Variants in MYO16 observed in about 807,000 individuals in gnomAD.
The protein encoded by MYO16 is unconventional myosin-XVI.
A neutral mutation model predicts 205.3 loss-of-function variants in MYO16; 94 were observed. That is an observed-to-expected ratio of 0.46 (90% CI 0.39 to 0.54). MYO16 has a LOEUF of 0.54. MYO16 is among the 20% of genes least tolerant of loss of function. The pLI is 0.00. For synonymous variants in MYO16, 988 were observed against 954.0 expected (o/e 1.04, Z -0.66); for missense variants, 2,315 against 2,387.5 (o/e 0.97, Z 0.63).
intron 4 of MYO16, among the ~76,000 whole-genome samples, chr13:108,773,744 G>T (rs9521032): frequency 1.3e-5 from 2 of 151,904 alleles, no homozygotes; most frequent in Admixed American, 1.3e-4. Flanking sequence ...AGGTACATAG[G>T]GGTTCTTTGC....
At chr13:108,650,890 CT>C (rs1392995633) in intron 1 of MYO16, among the ~76,000 whole-genome samples, 2 of 152,186 alleles carry the variant, frequency 1.3e-5, no homozygotes, top group East Asian at 3.9e-4. Flanking sequence ...CAGTTCTGAT[CT>C]TAAAGGGCCA....
chr13:109,167,351 A>G (rs1878718986), intron 33 of MYO16: 1 of 148,228 alleles, frequency 6.7e-6, no homozygotes. Flanking sequence ...CATAAAAAAA[A>G]GGGATGGCTA....
chr13:108,682,119 A>ACATTAGTATTCAC (rs1882487455), intron 2 of MYO16, among the ~76,000 whole-genome samples: 1 of 152,158 alleles, frequency 6.6e-6, no homozygotes, highest in African/African-American at 2.4e-5. Flanking sequence ...ATATTTGCTA[A>ACATTAGTATTCAC]ATTACTCTTG....
chr13:108,694,726 A>G (rs1314757738), intron 2 of MYO16, among the ~76,000 whole-genome samples: 1 of 152,150 alleles, frequency 6.6e-6, no homozygotes, highest in African/African-American at 2.4e-5. Flanking sequence ...ATGAAGTCCA[A>G]TTTATACATT....
the MYO16 span, among the ~76,000 whole-genome samples, chr13:108,547,333 A>G: frequency 1.3e-5 from 2 of 151,896 alleles, no homozygotes; most frequent in African/African-American, 4.8e-5. Flanking sequence ...CCCACTGTCA[A>G]TTCACTGGTA....
chr13:108,570,117 A>G, the MYO16 span, among the ~76,000 whole-genome samples: 1 of 152,100 alleles, frequency 6.6e-6, no homozygotes, highest in East Asian at 1.9e-4. Flanking sequence ...TGATTTTGGA[A>G]ATACTTGCCT....
chr13:108,551,084 C>T, the MYO16 span, among the ~76,000 whole-genome samples: 1 of 152,132 alleles, frequency 6.6e-6, no homozygotes, highest in Non-Finnish European at 1.5e-5. Flanking sequence ...CCTTCACATG[C>T]ACATTTTAAT....
At chr13:108,516,921 T>C in the MYO16 span, among the ~76,000 whole-genome samples, 1 of 115,682 alleles carries the variant, frequency 8.6e-6, no homozygotes, top group Non-Finnish European at 1.9e-5. Context: ...TGAGTAATTA[T>C]GTTTTGTTTT....
rs1455620478 is a variant in MYO16 at position 108,631,405 on chromosome 13, T to C, written c.28+1533T>C. Among the ~76,000 whole-genome samples the C allele has an allele frequency of 1.3e-5, 2 of 152,296 alleles. 1 individual carries two copies. The highest frequency in any genetic ancestry group is 3.9e-4 in the East Asian group (2 of 5,178). On this transcript the variant is annotated intron_variant, in intron 1 of 34. Transcript: ENST00000457511. ...TTTCCTGCCTTTTGTTCTGTTTTAG[T>C]TGAATTATTTGATTGTAGAATTTCG...
chr13:109,186,293 C>T (rs1371855383), intron 34 of MYO16, among the ~76,000 whole-genome samples: 1 of 152,130 alleles, frequency 6.6e-6, no homozygotes, highest in Non-Finnish European at 1.5e-5. Flanking sequence ...GGAGCAAGCT[C>T]AGGAGGAGAG....
chr13:108,922,658 C>G (rs182682923), intron 16 of MYO16, among the ~76,000 whole-genome samples: 1 of 152,318 alleles, frequency 6.6e-6, no homozygotes, highest in East Asian at 1.9e-4. Context: ...TCAAACCAGA[C>G]ATACGTCGTA....
intron 27 of MYO16, among the ~76,000 whole-genome samples, chr13:109,070,917 A>G (rs1421475935): frequency 6.6e-6 from 1 of 152,134 alleles, no homozygotes; most frequent in Non-Finnish European, 1.5e-5. Context: ...TTTAACTGAG[A>G]AAAATTCAGT....
Position 108,706,055 on chromosome 13 carries a change from A to G in MYO16, c.293-6606A>G, listed in dbSNP as rs180840561. 3.9e-4 allele frequency among the ~76,000 whole-genome samples: 59 copies of G among 152,322 alleles called. No individual in the cohort carries two copies. In the East Asian group the frequency reaches 7.7e-3, roughly 20 times the overall value. ...GAAATATAAGATCAAGAGAAACCAT[A>G]GTAAATTGAAACTGACTCATAGCTG... On this transcript the variant is annotated intron_variant, in intron 2 of 34. Coordinates refer to ENST00000457511, the MANE Select transcript of MYO16 (RefSeq NM_001198950.3).
chr13:109,042,010 G>A (rs189131055), intron 23 of MYO16, among the ~76,000 whole-genome samples: 309 of 152,074 alleles, frequency 2.0e-3, no homozygotes, highest in African/African-American at 6.9e-3. Context: ...GATTGCAGGC[G>A]TATACCACCA....
chr13:109,176,983 C>T (rs1879226376), intron 33 of MYO16, among the ~76,000 whole-genome samples: 1 of 152,248 alleles, frequency 6.6e-6, no homozygotes, highest in African/African-American at 2.4e-5. Flanking sequence ...TGTCACTTCT[C>T]TTCTGGGAAG....
the MYO16 span, among the ~76,000 whole-genome samples, chr13:108,542,381 C>T: frequency 4.8e-4 from 73 of 152,024 alleles, 2 homozygotes; most frequent in Non-Finnish European, 2.1e-4. Context: ...TTAGTATCTG[C>T]GTGATGAAAT....
intron 28 of MYO16, among the ~76,000 whole-genome samples, chr13:109,119,304 A>G (rs1322633576): frequency 1.3e-5 from 2 of 152,208 alleles, no homozygotes; most frequent in Non-Finnish European, 2.9e-5. Context: ...TCCCCAGTTC[A>G]TGCTTGAGAG....
chr13:109,159,572 A>G (rs1221983235), intron 32 of MYO16, among the ~76,000 whole-genome samples: 1 of 152,230 alleles, frequency 6.6e-6, no homozygotes, highest in Non-Finnish European at 1.5e-5. Flanking sequence ...TACAACGCAC[A>G]TTGTATTTGC....
At chr13:109,093,050 G>A (rs971002200) in intron 27 of MYO16, among the ~76,000 whole-genome samples, 3 of 152,102 alleles carry the variant, frequency 2.0e-5, no homozygotes, top group Non-Finnish European at 2.9e-5. Flanking sequence ...GTCACAATAC[G>A]TGAATGTATG....
Sources: gnomAD v4.1 joint callset for allele counts (sites outside exome capture counted in the v4.1 genomes callset) on GRCh38, gnomAD v4.1.1 for gene constraint, MANE v1.5 for transcripts, NCBI Gene and HGNC (gene_info 2026-07-23, HGNC 2026-07-21) for gene names.